ARFGEF3: variants seen among roughly 807,000 people sequenced by gnomAD.
ARFGEF3 encodes the protein ARFGEF family member 3, also known as brefeldin A-inhibited guanine nucleotide-exchange protein 3.
Under a neutral mutation model 221.7 loss-of-function variants are expected in ARFGEF3, and 96 were observed. That is an observed-to-expected ratio of 0.43 (90% confidence interval 0.37 to 0.51). ARFGEF3 has a LOEUF of 0.51. ARFGEF3 is among the 20% of genes least tolerant of loss of function. The probability of loss-of-function intolerance (pLI) is 0.00; values close to 1 mark genes in which losing one functional copy is unlikely to be tolerated. For synonymous variants in ARFGEF3, 1,145 were observed against 1,126.8 expected (o/e 1.02, Z -0.32); for missense variants, 2,410 against 2,789.9 (o/e 0.86, Z 3.07).
At chr6:138,229,895 T>C (rs759232083) in intron 5 of ARFGEF3, 43 bp downstream of exon 5, 1 of 1,501,960 alleles carries the variant, frequency 6.7e-7, no homozygotes, top group South Asian at 1.1e-5. Context: ...ACAGCTGCTT[T>C]ATCTCTGACT....
At chr6:138,317,730 TCA>T (rs1005428766) in intron 27 of ARFGEF3, among the ~76,000 whole-genome samples, 1 of 152,332 alleles carries the variant, frequency 6.6e-6, no homozygotes, top group Non-Finnish European at 1.5e-5. Context: ...TGGCAGGATC[TCA>T]CAGTCACATG....
At chr6:138,222,679 A>C (rs924724231) in intron 4 of ARFGEF3, among the ~76,000 whole-genome samples, 2 of 152,198 alleles carry the variant, frequency 1.3e-5, no homozygotes, top group Non-Finnish European at 2.9e-5. Flanking sequence ...AACCTTGATC[A>C]AAGTAAGAAA....
chr6:138,296,680 T>C, intron 20 of ARFGEF3, 130 bp from the exon 21 acceptor site: 1 of 1,074,212 alleles, frequency 9.3e-7, no homozygotes, highest in Non-Finnish European at 1.4e-6. Context: ...GGCTCCCTCC[T>C]CCCTTGGTTA....
intron 1 of ARFGEF3, among the ~76,000 whole-genome samples, chr6:138,164,908 C>G (rs543089327): frequency 6.6e-6 from 1 of 152,302 alleles, no homozygotes; most frequent in Admixed American, 6.5e-5. Flanking sequence ...AGGTCAACCG[C>G]TACTTAGGTC....
intron 4 of ARFGEF3, among the ~76,000 whole-genome samples, chr6:138,213,335 G>C (rs894252626): frequency 6.6e-6 from 1 of 151,372 alleles, no homozygotes. Context: ...GTGTGAGCCT[G>C]TAGTGCCAGC....
intron 10 of ARFGEF3, among the ~76,000 whole-genome samples, chr6:138,256,813 C>T (rs1290082425): frequency 2.1e-5 from 3 of 143,818 alleles, no homozygotes; most frequent in Admixed American, 2.0e-4. Flanking sequence ...GAGACAGAGT[C>T]TCACTCTGTT....
intron 8 of ARFGEF3, among the ~76,000 whole-genome samples, chr6:138,246,739 C>A (rs1279484824): frequency 3.3e-5 from 5 of 152,064 alleles, no homozygotes; most frequent in African/African-American, 9.7e-5. Flanking sequence ...TTCAAAGTAG[C>A]AAATGTGTAG....
chr6:138,310,261 T>C (rs1779802352), intron 24 of ARFGEF3, among the ~76,000 whole-genome samples: 1 of 152,226 alleles, frequency 6.6e-6, no homozygotes, highest in South Asian at 2.1e-4. Context: ...ATGAATTTAT[T>C]GTTAATTCCC....
chr6:138,272,666 A>G (rs930491034), intron 12 of ARFGEF3, among the ~76,000 whole-genome samples: 4 of 152,222 alleles, frequency 2.6e-5, no homozygotes, highest in Admixed American at 2.6e-4. Flanking sequence ...TAAAGCAGTA[A>G]TGTTATGTAA....
chr6:138,179,598 G>A (rs9494954), intron 2 of ARFGEF3, among the ~76,000 whole-genome samples: 7,626 of 151,984 alleles, frequency 0.05, 607 homozygotes, highest in African/African-American at 0.17. Context: ...ATTCCTCCTC[G>A]TCTTGACGTG....
intron 32 of ARFGEF3, 117 bp downstream of exon 32, chr6:138,328,259 TCATTTAG>T: frequency 8.1e-6 from 10 of 1,234,508 alleles, no homozygotes; most frequent in Non-Finnish European, 1.1e-5. Flanking sequence ...ATTTGTGGAG[TCATTTAG>T]CAAAGGTTTT....
intron 8 of ARFGEF3, among the ~76,000 whole-genome samples, chr6:138,246,560 TG>T (rs1173755958): frequency 3.3e-5 from 5 of 152,224 alleles, no homozygotes; most frequent in African/African-American, 1.2e-4. Flanking sequence ...TAAAAGTTGT[TG>T]CCAAATGGTT....
chr6:138,326,081 T>G (rs936504246), intron 31 of ARFGEF3, among the ~76,000 whole-genome samples: 2 of 152,062 alleles, frequency 1.3e-5, no homozygotes, highest in African/African-American at 4.8e-5. Flanking sequence ...GGTCTCAAAC[T>G]CCAGACCTCA....
At position 138,324,138 on chromosome 6, in the gene ARFGEF3, G is replaced by A. The variant is rs757461478; in HGVS notation, c.4985G>A (p.Arg1662Gln). 13 of 1,613,572 alleles carry A rather than the reference G, an allele frequency of 8.1e-6. No homozygotes were observed. The African/African-American group carries it at 1.2e-4, about 15-fold the overall frequency. The change falls in exon 31 of 34, where the codon CGA (arginine) becomes CAA (glutamine). Residue 1662 changes from arginine to glutamine, a missense_variant. By Grantham distance (43) the Arg-to-Gln change is conservative. Around this residue, in one of 5 missense-constraint regions of ARFGEF3, gnomAD observed 723 missense variants for 991.9 expected, o/e 0.73. Coordinates refer to ENST00000251691, the MANE Select transcript of ARFGEF3 (RefSeq NM_020340.5). The stretch of plus-strand genomic sequence containing the variant: ...GCCGAGGCCGAGTACTGGCGCATCC[G>A]AGCCATGGCCCAGCAGGTAAGGGCA... ...PSAEAEYWRI[R>Q]AMAQQVFMLD...
At chr6:138,186,899 TTTC>T (rs1481305552) in intron 2 of ARFGEF3, among the ~76,000 whole-genome samples, 1 of 129,240 alleles carries the variant, frequency 7.7e-6, no homozygotes, top group Non-Finnish European at 1.6e-5. Flanking sequence ...TCTCATCCTT[TTTC>T]TTTTTTTTTT....
chr6:138,297,016 CATGGGGGCCTGCAGTCATGT>C, intron 21 of ARFGEF3, 61 bp downstream of exon 21: 2 of 1,544,462 alleles, frequency 1.3e-6, no homozygotes, highest in Non-Finnish European at 1.7e-6. Context: ...GCAGAGCCAG[CATGGGGGCCTGCAGTCATGT>C]ATGGGGGCAA....
intron 2 of ARFGEF3, among the ~76,000 whole-genome samples, 175 bp downstream of exon 2, chr6:138,170,888 A>C (rs996852283): frequency 6.6e-6 from 1 of 152,222 alleles, no homozygotes; most frequent in Admixed American, 6.5e-5. Context: ...CTGGAGGCTG[A>C]GAAGTCCAAG....
chr6:138,163,311 T>C (rs1376008854), intron 1 of ARFGEF3, among the ~76,000 whole-genome samples: 1 of 152,196 alleles, frequency 6.6e-6, no homozygotes, highest in African/African-American at 2.4e-5. Flanking sequence ...AGGAAGTTTG[T>C]CTTGTAGGTA....
At position 138,258,422 on chromosome 6, in the gene ARFGEF3, C is replaced by T. The variant is rs141012141; in HGVS notation, c.1104+2653C>T. 4.3e-3 allele frequency among the ~76,000 whole-genome samples: 649 copies of T among 152,270 alleles called. 4 individuals are homozygous for T. The highest frequency in any genetic ancestry group is 0.015 in the African/African-American group (605 of 41,542). ...GCTGAGGCTCTGGGGGGAGAAGTGA[C>T]TTGCCCAAAGTCCTTCATGTTGTGA... On this transcript the variant is annotated intron_variant, in intron 10 of 33. Coordinates refer to ENST00000251691, the MANE Select transcript of ARFGEF3 (RefSeq NM_020340.5).
Sources: allele counts gnomAD v4.1 joint callset (sites outside exome capture counted in the v4.1 genomes callset), GRCh38; gene constraint gnomAD v4.1.1; regional missense constraint gnomAD v4.1.1; transcripts MANE v1.5; gene names NCBI Gene and HGNC (gene_info 2026-07-23, HGNC 2026-07-21).